The following ZC3H12C variants were observed in gnomAD, a reference collection of about 807,000 sequenced individuals.
ZC3H12C encodes zinc finger CCCH-type containing 12C.
ZC3H12C carries 20 observed loss-of-function variants against 76.3 expected under a neutral mutation model. The ratio of observed to expected loss-of-function variants is 0.26; its 90% confidence interval spans 0.18 to 0.38. The LOEUF (loss-of-function observed/expected upper bound fraction) is 0.38. ZC3H12C is among the 10% of genes least tolerant of loss of function. The pLI, the probability that ZC3H12C is intolerant of heterozygous loss-of-function variation, is 1.00. For missense variants in ZC3H12C, 874 were observed against 1,086.5 expected (o/e 0.80, Z 2.75); for synonymous variants, 352 against 399.6 (o/e 0.88, Z 1.42).
intron 4 of ZC3H12C, among the ~76,000 whole-genome samples, chr11:110,162,948 C>CGT (rs1862507211): frequency 2.6e-5 from 4 of 152,152 alleles, no homozygotes; most frequent in African/African-American, 9.7e-5. Context: ...TGATAAAGCT[C>CGT]TCCTAAAGTG....
intron 2 of ZC3H12C, 47 bp from the exon 3 acceptor site, chr11:110,152,872 A>T: frequency 6.4e-7 from 1 of 1,573,466 alleles, no homozygotes; most frequent in Non-Finnish European, 8.6e-7. Context: ...TAATTTACTT[A>T]AATTTAGGTT....
In ZC3H12C at chr11:110,159,313, G is replaced by A. The variant is rs1445578904; in HGVS notation, c.971G>A (p.Arg324Gln). The A allele has an allele frequency of 1.9e-6, 3 of 1,613,834 alleles. No homozygotes were observed. Among genetic ancestry groups the A allele is most frequent in the Non-Finnish European group, 2.5e-6 (3 of 1,179,922 alleles). The change falls in exon 4 of 6, where the codon CGG (arginine) becomes CAG (glutamine). Residue 324 changes from arginine (R) to glutamine (Q), a missense_variant. Around this residue, in one of 3 missense-constraint regions of ZC3H12C, gnomAD observed 269 missense variants for 424.9 expected, o/e 0.63. Transcript: ENST00000278590. Reference sequence around the variant, plus strand: ...AAAATCCTGGTGTTCACGCCATCCCGGCGAGTCCAGGGGAGGAGAGTGGTG... The same window carrying A: ...AAAATCCTGGTGTTCACGCCATCCCAGCGAGTCCAGGGGAGGAGAGTGGTG... ...KEKILVFTPS[R>Q]RVQGRRVVCY...
chr11:110,098,364 C>A (rs1245899439), intron 1 of ZC3H12C, among the ~76,000 whole-genome samples: 14 of 151,958 alleles, frequency 9.2e-5, no homozygotes. Context: ...ATAAAACAGT[C>A]CAAAAGTTAA....
rs1423454274 is a variant in ZC3H12C, at chr11:110,152,984, G to A, written c.839G>A (p.Arg280Lys). Residue 280 changes from arginine (R) to lysine (K), a missense_variant, in exon 3 of 6, where the codon AGA (arginine) becomes AAA (lysine). By Grantham distance (26) the Arg-to-Lys change is conservative. Around this residue, in one of 3 missense-constraint regions of ZC3H12C, gnomAD observed 269 missense variants for 424.9 expected, o/e 0.63. Coordinates refer to ENST00000278590, the MANE Select transcript of ZC3H12C (RefSeq NM_033390.2). The part of the protein sequence containing the change: ...IKLAVDWFLE[R>K]GHKDITVFVP... ...TTGGCAGTGGATTGGTTTTTGGAAA[G>A]AGGCCACAAAGACATTACAGTTTTT... 6.2e-7 allele frequency: 1 copy of A among 1,612,194 alleles called. No individual in the cohort carries two copies. Among genetic ancestry groups the A allele is most frequent in the African/African-American group, 1.3e-5 (1 of 75,042 alleles).
chr11:110,116,565 T>G (rs569822811), intron 1 of ZC3H12C, among the ~76,000 whole-genome samples: 10 of 152,298 alleles, frequency 6.6e-5, no homozygotes, highest in African/African-American at 2.4e-4. Context: ...TATTCTTCTG[T>G]GTTACTAAGG....
chr11:110,164,761 A>G lies in ZC3H12C; in HGVS notation c.1676A>G (p.Tyr559Cys). ...CAGGATCAAAGACCACAGGGACAATATCCTTCAATGATGATGGCAACCAAA... is the reference window on the plus strand; with the variant it reads ...CAGGATCAAAGACCACAGGGACAATGTCCTTCAATGATGATGGCAACCAAA... ...PPQDQRPQGQ[Y>C]PSMMMATKNH... Residue 559 changes from tyrosine (Y) to cysteine (C), a missense_variant, in exon 6 of 6, where the codon TAT becomes TGT. Transcript: ENST00000278590. This position sits in a 1 kb window ranked among gnomAD's most constrained non-coding sequence, Gnocchi z 5.7. 6.2e-7 allele frequency: 1 copy of G among 1,614,050 alleles called. No homozygotes were observed. Among genetic ancestry groups the G allele is most frequent in the Non-Finnish European group, 8.5e-7 (1 of 1,179,896 alleles).
intron 3 of ZC3H12C, among the ~76,000 whole-genome samples, chr11:110,158,441 C>T (rs1301068139): frequency 5.3e-5 from 8 of 151,332 alleles, no homozygotes; most frequent in African/African-American, 7.3e-5. Flanking sequence ...ACCGGGGAGG[C>T]GGAGGTTGCA....
chr11:110,154,626 A>C (rs1193460050), intron 3 of ZC3H12C, among the ~76,000 whole-genome samples: 1 of 152,104 alleles, frequency 6.6e-6, no homozygotes, highest in Non-Finnish European at 1.5e-5. Flanking sequence ...TAATTATCAA[A>C]AATCAAACCA....
rs1862676412 is a variant in ZC3H12C at position 110,171,402 on chromosome 11, T to C, written c.*5665T>C. 1 of 152,200 alleles carries C rather than the reference T, an allele frequency of 6.6e-6. No individual in the cohort carries two copies. Among genetic ancestry groups the C allele is most frequent in the Admixed American group, 6.5e-5 (1 of 15,274 alleles). 9.4% of individuals were successfully genotyped at this position (152,200 alleles called of 1,614,324 possible). On this transcript the variant is annotated 3_prime_UTR_variant, in exon 6 of 6. Coordinates refer to ENST00000278590, the MANE Select transcript of ZC3H12C (RefSeq NM_033390.2). ...ATATGCTGCTAGTAGAATTTTTTAT[T>C]TGATCCTGCGAACTTTTCTTATAGG...
chr11:110,095,649 A>ACATAATGCTAT (rs1423871391), intron 1 of ZC3H12C, among the ~76,000 whole-genome samples: 1 of 152,194 alleles, frequency 6.6e-6, no homozygotes, highest in Non-Finnish European at 1.5e-5. Context: ...TTATGAACGA[A>ACATAATGCTAT]CATAATGCTA....
intron 1 of ZC3H12C, among the ~76,000 whole-genome samples, chr11:110,094,086 G>T (rs1014157902): frequency 6.6e-5 from 10 of 152,116 alleles, no homozygotes; most frequent in African/African-American, 2.4e-4. Context: ...AATATAACTT[G>T]GAGAAATGAA....
At chr11:110,158,916 AGG>A (rs1862426848) in intron 3 of ZC3H12C, among the ~76,000 whole-genome samples, 1 of 152,264 alleles carries the variant, frequency 6.6e-6, no homozygotes, top group African/African-American at 2.4e-5. Flanking sequence ...GCATTCAAGT[AGG>A]AACGTGGAAG....
chr11:110,136,073 G>A (rs1223457294), intron 1 of ZC3H12C: 1 of 152,160 alleles, frequency 6.6e-6, no homozygotes, highest in African/African-American at 2.4e-5. Flanking sequence ...CTTAGAATAT[G>A]TGCTCTTTCA....
At chr11:110,145,398 A>T (rs920131248) in intron 2 of ZC3H12C, among the ~76,000 whole-genome samples, 1 of 152,196 alleles carries the variant, frequency 6.6e-6, no homozygotes, top group African/African-American at 2.4e-5. Context: ...AGATAATTTA[A>T]GTTCATTTAG....
In ZC3H12C at chr11:110,167,162, G is replaced by C. The variant is rs1591490105; in HGVS notation, c.*1425G>C. ...GTACTTCACGTAACAGATGCATTCA[G>C]ATCTTTTTCTGTAGTCTGCTTAGAT... On this transcript the variant is annotated 3_prime_UTR_variant, in exon 6 of 6. Transcript: ENST00000278590. The C allele has an allele frequency of 1.3e-5, 2 of 152,290 alleles. No homozygotes were observed. The highest frequency in any genetic ancestry group is 1.3e-4 in the Admixed American group (2 of 15,296). 9.4% of individuals were successfully genotyped at this position (152,290 alleles called of 1,614,324 possible).
chr11:110,153,123 A>G, intron 3 of ZC3H12C, 65 bp downstream of exon 3: 2 of 1,545,172 alleles, frequency 1.3e-6, no homozygotes, highest in South Asian at 1.2e-5. Flanking sequence ...GGTGTCTGAC[A>G]CTGTCAGGTA....
intron 4 of ZC3H12C, 71 bp downstream of exon 4, chr11:110,159,561 A>G: frequency 1.5e-6 from 2 of 1,318,626 alleles, no homozygotes; most frequent in Admixed American, 4.1e-5. Flanking sequence ...CAGCTGCTAC[A>G]GAATTCTCTT....
chr11:110,142,784 A>G (rs1267746715), intron 2 of ZC3H12C, among the ~76,000 whole-genome samples: 1 of 152,182 alleles, frequency 6.6e-6, no homozygotes, highest in Non-Finnish European at 1.5e-5. Flanking sequence ...TGGAAGCCCA[A>G]TATTTAAAAT....
At chr11:110,107,548 G>A (rs1183167493) in intron 1 of ZC3H12C, among the ~76,000 whole-genome samples, 5 of 151,048 alleles carry the variant, frequency 3.3e-5, no homozygotes, top group East Asian at 3.9e-4. Flanking sequence ...TTTTTAAGAC[G>A]GAGTTTTGCT....
Sources: allele counts gnomAD v4.1 joint callset (sites outside exome capture counted in the v4.1 genomes callset), GRCh38; gene constraint gnomAD v4.1.1; regional missense constraint gnomAD v4.1.1; non-coding constraint Gnocchi (gnomAD v3.1); transcripts MANE v1.5; gene names NCBI Gene and HGNC (gene_info 2026-07-23, HGNC 2026-07-21).